The following PLD5 variants were observed in gnomAD, a reference collection of about 807,000 sequenced individuals.
The protein encoded by PLD5 is inactive phospholipase D5.
A neutral mutation model predicts 61.1 loss-of-function variants in PLD5; 36 were observed. The ratio of observed to expected loss-of-function variants is 0.59; its 90% CI spans 0.45 to 0.78. The LOEUF is 0.78. PLD5 is among the 30% of genes least tolerant of loss of function. The pLI is 0.00. For synonymous variants in PLD5, 243 were observed against 242.8 expected (o/e 1.00, Z -0.01); for missense variants, 515 against 644.4 (o/e 0.80, Z 2.17).
chr1:242,264,188 G>T (rs1407975738), intron 4 of PLD5, among the ~76,000 whole-genome samples: 1 of 152,082 alleles, frequency 6.6e-6, no homozygotes, highest in Non-Finnish European at 1.5e-5. Flanking sequence ...AATAGGAAAA[G>T]TAAGAATACA....
chr1:242,396,396 C>A (rs1205497643), intron 1 of PLD5, among the ~76,000 whole-genome samples: 1 of 152,104 alleles, frequency 6.6e-6, no homozygotes, highest in Admixed American at 6.5e-5. Context: ...AAGAAATGCC[C>A]TCCTGACCCC....
intron 4 of PLD5, among the ~76,000 whole-genome samples, chr1:242,265,022 C>T (rs1175649521): frequency 1.3e-5 from 2 of 152,108 alleles, no homozygotes; most frequent in Non-Finnish European, 2.9e-5. Context: ...TATTCTGACG[C>T]GAAGTGGTTC....
intron 1 of PLD5, among the ~76,000 whole-genome samples, chr1:242,438,352 C>T (rs1026889810): frequency 2.6e-5 from 4 of 151,458 alleles, no homozygotes; most frequent in African/African-American, 9.7e-5. Context: ...CAACCTCTGC[C>T]TCCCGGGTTC....
chr1:242,325,605 G>GT (rs199803645), intron 2 of PLD5, among the ~76,000 whole-genome samples: 13 of 151,374 alleles, frequency 8.6e-5, no homozygotes, highest in South Asian at 2.1e-4. Context: ...TCAAGTTGTT[G>GT]TTTTTTTTTA....
chr1:242,100,723 G>A lies in PLD5; in HGVS notation c.1299C>T (p.Thr433=), dbSNP rs560941503. 6 of 1,613,862 alleles carry A rather than the reference G, an allele frequency of 3.7e-6. No homozygotes were observed. Among genetic ancestry groups the A allele is most frequent in the African/African-American group, 1.3e-5 (1 of 74,858 alleles). ...ACTTGTTGCGATTTAACCTAGGAAA[G>A]GTGTGATTCTTTTGTTCTTTTGTAG... ...ACATKEQKNH[T]FPRLNRNKYM... is the part of the protein sequence containing the mutation. The change falls in exon 9 of 10, where the codon ACC becomes ACT. Residue 433 remains threonine, a synonymous_variant. Coordinates refer to ENST00000536534, the MANE Select transcript of PLD5 (RefSeq NM_001372062.1).
chr1:242,379,795 A>G (rs143521963), intron 1 of PLD5, among the ~76,000 whole-genome samples: 229 of 152,158 alleles, frequency 1.5e-3, no homozygotes, highest in African/African-American at 5.3e-3. Flanking sequence ...TGTCCTCCCA[A>G]TATATTTATG....
intron 5 of PLD5, among the ~76,000 whole-genome samples, chr1:242,188,181 A>G (rs1668025921): frequency 6.6e-6 from 1 of 152,206 alleles, no homozygotes; most frequent in Non-Finnish European, 1.5e-5. Flanking sequence ...TTAGAAATCA[A>G]CTGGATCACA....
At chr1:242,158,065 G>A (rs183278823) in intron 5 of PLD5, among the ~76,000 whole-genome samples, 40 of 152,254 alleles carry the variant, frequency 2.6e-4, no homozygotes, top group African/African-American at 8.2e-4. Flanking sequence ...GGTGGGCTCC[G>A]CCCAGTTCAA....
chr1:242,425,169 G>A (rs1665349335), intron 1 of PLD5, among the ~76,000 whole-genome samples: 1 of 152,172 alleles, frequency 6.6e-6, no homozygotes, highest in Non-Finnish European at 1.5e-5. Flanking sequence ...CTTAATGATG[G>A]AGATACGTTC....
At chr1:242,169,134 A>C (rs1287473379) in intron 5 of PLD5, among the ~76,000 whole-genome samples, 4 of 151,936 alleles carry the variant, frequency 2.6e-5, no homozygotes, top group African/African-American at 2.4e-5. Flanking sequence ...AACATGAAAA[A>C]AGGGTATGGC....
At chr1:242,186,673 T>A (rs1352330452) in intron 5 of PLD5, among the ~76,000 whole-genome samples, 1 of 152,182 alleles carries the variant, frequency 6.6e-6, no homozygotes, top group African/African-American at 2.4e-5. Context: ...AAGCTATTAG[T>A]CTCTTCTATA....
intron 1 of PLD5, among the ~76,000 whole-genome samples, chr1:242,351,205 T>TTTATTCTTTCTATCC (rs1308769530): frequency 6.6e-6 from 1 of 152,148 alleles, no homozygotes; most frequent in African/African-American, 2.4e-5. Context: ...CCGGCCCTGT[T>TTTATTCTTTCTATCC]TTATTCTTTC....
intron 3 of PLD5, among the ~76,000 whole-genome samples, chr1:242,283,156 A>T (rs1674815288): frequency 6.6e-6 from 1 of 152,246 alleles, no homozygotes; most frequent in Admixed American, 6.5e-5. Context: ...CATATTCATC[A>T]TTCCTGTTAG....
intron 5 of PLD5, among the ~76,000 whole-genome samples, chr1:242,179,069 T>G (rs1667353553): frequency 6.6e-6 from 1 of 152,218 alleles, no homozygotes; most frequent in South Asian, 2.1e-4. Flanking sequence ...TGTAATTGCA[T>G]GAGCAATCAC....
At chr1:242,287,372 T>C (rs1675085996) in intron 3 of PLD5, among the ~76,000 whole-genome samples, 1 of 152,232 alleles carries the variant, frequency 6.6e-6, no homozygotes, top group Admixed American at 6.5e-5. Flanking sequence ...CATTATGGAA[T>C]AATAAATCCT....
Position 242,256,893 on chromosome 1 carries a change from TTCTC to T in PLD5, c.607+8440_607+8443del, listed in dbSNP as rs1191237102. 6.8e-5 allele frequency among the ~76,000 whole-genome samples: 9 copies of T among 131,804 alleles called. No individual in the cohort carries two copies. Among genetic ancestry groups the T allele is most frequent in the Non-Finnish European group, 9.5e-5 (6 of 63,158 alleles). 86.5% of individuals were successfully genotyped at this position (131,804 alleles called of 152,430 possible). The stretch of plus-strand genomic sequence containing the variant: ...CTTCTTTCTTTTCTCTCCCTCTTCT[TTCTC>T]TTTCTTTTTTCATCTATCTATCTAT... On this transcript the variant is annotated intron_variant, in intron 4 of 9. Coordinates refer to ENST00000536534, the MANE Select transcript of PLD5 (RefSeq NM_001372062.1). The surrounding 1 kb of genome is among the most constrained non-coding windows in gnomAD (Gnocchi z 5.7).
chr1:242,160,820 G>C (rs1215283168), intron 5 of PLD5, among the ~76,000 whole-genome samples: 1 of 152,052 alleles, frequency 6.6e-6, no homozygotes, highest in Non-Finnish European at 1.5e-5. Context: ...GGGAGATGGA[G>C]GTTGCAGTGA....
chr1:242,394,267 AGTATATATATGT>A (rs1331291114), intron 1 of PLD5, among the ~76,000 whole-genome samples: 6 of 85,986 alleles, frequency 7.0e-5, no homozygotes, highest in East Asian at 2.9e-4. Flanking sequence ...TATGAGTATG[AGTATATATATGT>A]GTATATATAT....
intron 3 of PLD5, among the ~76,000 whole-genome samples, chr1:242,268,127 G>A (rs1168667953): frequency 6.6e-6 from 1 of 152,084 alleles, no homozygotes; most frequent in East Asian, 1.9e-4. Flanking sequence ...AGACAGAATT[G>A]ACACCAATAA....
Sources: gnomAD v4.1 joint callset for allele counts (sites outside exome capture counted in the v4.1 genomes callset) on GRCh38, gnomAD v4.1.1 for gene constraint, Gnocchi (gnomAD v3.1) non-coding constraint, MANE v1.5 for transcripts, NCBI Gene and HGNC (gene_info 2026-07-23, HGNC 2026-07-21) for gene names.